PLCD3: variants seen among roughly 807,000 people sequenced by gnomAD.
PLCD3 encodes the protein 1-phosphatidylinositol 4,5-bisphosphate phosphodiesterase delta-3.
In PLCD3, 62 loss-of-function variants were observed where a neutral mutation model predicts 82.8. The observed-to-expected ratio is 0.75, with a 90% CI of 0.61 to 0.93. The LOEUF is 0.93. Ranked by LOEUF, PLCD3 falls within the 40% of genes least tolerant of loss-of-function variation. The pLI, the probability that PLCD3 is intolerant of heterozygous loss-of-function variation, is 0.00. For synonymous variants in PLCD3, 478 were observed against 471.8 expected, an observed-to-expected ratio of 1.01 and a Z score of -0.17; for missense variants, 1,023 against 1,103.4, an observed-to-expected ratio of 0.93 and a Z score of 1.03.
rs1476362730 is a variant in PLCD3 at position 45,112,449 on chromosome 17, C to G, written c.*167G>C. 1.4e-6 allele frequency: 1 copy of G among 719,726 alleles called. No homozygotes were observed. Among genetic ancestry groups the G allele is most frequent in the East Asian group, 2.7e-5 (1 of 36,844 alleles). 44.6% of individuals were successfully genotyped at this position (719,726 alleles called of 1,614,324 possible). A position where few individuals can be genotyped will look rare whatever the true frequency, so the allele number is the denominator to read the frequency against. On this transcript the variant is annotated 3_prime_UTR_variant, in exon 15 of 15. Coordinates refer to ENST00000619929, the MANE Select transcript of PLCD3 (RefSeq NM_133373.5). ...TTCTGTTCTTCAGGAGGGGCCCAGG[C>G]AGCCCTCAGCACCCAGGTGAGACCA...
intron 12 of PLCD3, 46 bp from the exon 13 acceptor site, chr17:45,113,303 C>T: frequency 6.4e-7 from 1 of 1,564,572 alleles, no homozygotes; most frequent in Non-Finnish European, 8.7e-7. Flanking sequence ...CCACCTTGGC[C>T]ATCCCCTCAT....
At chr17:45,113,737 C>CCCTAAAGTCATGGTGGGGGCAG in intron 11 of PLCD3, 132 bp from the exon 12 acceptor site, 1 of 1,153,810 alleles carries the variant, frequency 8.7e-7, no homozygotes, top group Non-Finnish European at 1.2e-6. Context: ...CTGCTCCCAC[C>CCCTAAAGTCATGGTGGGGGCAG]ATGACTTTAG....
chr17:45,129,773 G>A (rs911288097), intron 1 of PLCD3, among the ~76,000 whole-genome samples: 3 of 152,170 alleles, frequency 2.0e-5, no homozygotes, highest in African/African-American at 7.2e-5. Flanking sequence ...CAGGAGCGGG[G>A]GACTGGAGGG....
At chr17:45,117,108 C>T (rs1319038495) in intron 7 of PLCD3, among the ~76,000 whole-genome samples, 4 of 152,224 alleles carry the variant, frequency 2.6e-5, no homozygotes, top group Non-Finnish European at 4.4e-5. Flanking sequence ...CCACACCCGG[C>T]TAATTTTTGT....
chr17:45,113,036 G>C (rs1428319948), intron 13 of PLCD3, 24 bp from the exon 14 acceptor site: 27 of 1,601,428 alleles, frequency 1.7e-5, no homozygotes, highest in Non-Finnish European at 2.2e-5. Context: ...ATGGCAGTCA[G>C]AGCCCAGGGG....
intron 4 of PLCD3, among the ~76,000 whole-genome samples, chr17:45,119,817 T>G (rs1463863219): frequency 2.6e-5 from 4 of 151,888 alleles, no homozygotes; most frequent in African/African-American, 9.7e-5. Flanking sequence ...GGGTCACAGG[T>G]GGGTCCCACC....
Position 45,114,377 on chromosome 17 carries a change from G to C in PLCD3, c.1712-11C>G. 6.5e-7 allele frequency: 1 copy of C among 1,546,288 alleles called. No individual in the cohort carries two copies. The highest frequency in any genetic ancestry group is 8.7e-7 in the Non-Finnish European group (1 of 1,144,600). On this transcript the variant is annotated splice_polypyrimidine_tract_variant and intron_variant, in intron 10 of 14. Coordinates refer to ENST00000619929, the MANE Select transcript of PLCD3 (RefSeq NM_133373.5). ...TGACAAAGCTGTTCCCTGGGGCAGA[G>C]TTGGGGTGAGACCGTGACAGACTCC...
In PLCD3 at chr17:45,115,338, T is replaced by G. The variant is rs1382884397; in HGVS notation, c.1560+6A>C. ...CCTTCCCCACCCCACCCATCCCAGCTCTCACCAGCCGCCTCTGCGCTGCAG... is the reference window on the plus strand; with the variant it reads ...CCTTCCCCACCCCACCCATCCCAGCGCTCACCAGCCGCCTCTGCGCTGCAG... On this transcript the variant is annotated splice_donor_region_variant and intron_variant, in intron 9 of 14. Transcript: ENST00000619929. The G allele has an allele frequency of 2.4e-6, 2 of 849,016 alleles. No individual in the cohort carries two copies. Among genetic ancestry groups the G allele is most frequent in the East Asian group, 6.3e-5 (1 of 15,998 alleles). 52.6% of individuals were successfully genotyped at this position (849,016 alleles called of 1,614,324 possible).
At position 45,120,412 on chromosome 17, in the gene PLCD3, G is replaced by C. The variant is rs544175746; in HGVS notation, c.597C>G (p.Asp199Glu). 6.2e-7 allele frequency: 1 copy of C among 1,614,014 alleles called. No homozygotes were observed. The highest frequency in any genetic ancestry group is 1.7e-5 in the Admixed American group (1 of 60,028). ...TGATCTCCTTGAAGCTCATCTTGCT[G>C]TCCTGGTTGGAGTCAGCCCGGTGCA... ...SYLHRADSNQ[D>E]SKMSFKEIKS... Residue 199 changes from aspartate (D) to glutamate (E), a missense_variant, in exon 4 of 15, where the codon GAC becomes GAG. Transcript: ENST00000619929.
Position 45,121,510 on chromosome 17 carries a change from C to G in PLCD3, c.164-138G>C, listed in dbSNP as rs556555177. 176 of 1,064,658 alleles carry G rather than the reference C, an allele frequency of 1.7e-4. 1 individual carries two copies. The East Asian group carries it at 4.9e-3, about 30-fold the overall frequency. The allele number at this position is 1,064,658 out of a possible 1,614,324, so 66.0% of individuals were successfully genotyped here. A position where few individuals can be genotyped will look rare whatever the true frequency, so the allele number is the denominator to read the frequency against. On this transcript the variant is annotated intron_variant, in intron 1 of 14. Coordinates refer to ENST00000619929, the MANE Select transcript of PLCD3 (RefSeq NM_133373.5). ...CATCCCACAGTAAGCTTCCCTCCCCCTCACAGGACTCCCCTCCTCCCCGAT... is the reference window on the plus strand; with the variant it reads ...CATCCCACAGTAAGCTTCCCTCCCCGTCACAGGACTCCCCTCCTCCCCGAT...
intron 1 of PLCD3, among the ~76,000 whole-genome samples, chr17:45,127,719 G>C (rs2054391444): frequency 6.6e-6 from 1 of 152,130 alleles, no homozygotes; most frequent in African/African-American, 2.4e-5. Context: ...GGCAGGGCAG[G>C]GTGTGTGTGG....
Position 45,113,267 on chromosome 17 carries a change from A to C in PLCD3, c.1996-10T>G. 6.2e-7 allele frequency: 1 copy of C among 1,601,094 alleles called. No individual in the cohort carries two copies. Among genetic ancestry groups the C allele is most frequent in the Non-Finnish European group, 8.5e-7 (1 of 1,174,322 alleles). On this transcript the variant is annotated splice_polypyrimidine_tract_variant and intron_variant, in intron 12 of 14. Coordinates refer to ENST00000619929, the MANE Select transcript of PLCD3 (RefSeq NM_133373.5). ...GCTGTGCAGTCAGCACCTGTGGGTG[A>C]GGGAGGGAGTGGCTGGGGCCCACGC...
intron 7 of PLCD3, among the ~76,000 whole-genome samples, chr17:45,117,034 C>G (rs1027380268): frequency 6.6e-6 from 1 of 152,140 alleles, no homozygotes; most frequent in Non-Finnish European, 1.5e-5. Context: ...AATTCCATCT[C>G]CCGGGTTCAA....
rs1315682999 is a variant in PLCD3, at chr17:45,118,036, GAGA to G, written c.1215_1217del (p.Leu406del). On this transcript the variant is annotated inframe_deletion, in exon 7 of 15. Coordinates refer to ENST00000619929, the MANE Select transcript of PLCD3 (RefSeq NM_133373.5). This position sits in a 1 kb window ranked among gnomAD's most constrained non-coding sequence, Gnocchi z 4.1. Reference sequence around the variant, plus strand: ...GCACGGCTTGGACCACGTCCCGGAAGAGAATCTTGGAGGTGAGGGTATGGCCAT... The same window carrying G: ...GCACGGCTTGGACCACGTCCCGGAAGATCTTGGAGGTGAGGGTATGGCCAT... 4 of 1,613,782 alleles carry G rather than the reference GAGA, an allele frequency of 2.5e-6. No individual in the cohort carries two copies.
chr17:45,123,395 T>C (rs1217757511), intron 1 of PLCD3, among the ~76,000 whole-genome samples: 1 of 152,214 alleles, frequency 6.6e-6, no homozygotes. Flanking sequence ...TTAATAAATC[T>C]GAGGGCGGAA....
intron 8 of PLCD3, 118 bp from the exon 9 acceptor site, chr17:45,115,608 G>A (rs764325730): frequency 5.4e-5 from 48 of 890,114 alleles, no homozygotes; most frequent in Non-Finnish European, 7.9e-5. Context: ...AGGCAGGAAA[G>A]GAGACACAGA....
intron 1 of PLCD3, among the ~76,000 whole-genome samples, chr17:45,126,347 A>ATT (rs398030937): frequency 0.22 from 17,647 of 78,734 alleles, 3,246 homozygotes; most frequent in South Asian, 0.25. Context: ...CGCCCAGCCT[A>ATT]TTTTTTTTTT....
intron 4 of PLCD3, 139 bp from the exon 5 acceptor site, chr17:45,119,182 T>G: frequency 1.5e-6 from 1 of 657,570 alleles, no homozygotes; most frequent in Non-Finnish European, 2.6e-6. Context: ...GACTTGTGAC[T>G]CTAGCTCACA....
chr17:45,116,916 T>C (rs772523811), intron 7 of PLCD3, 132 bp from the exon 8 acceptor site: 219 of 1,173,502 alleles, frequency 1.9e-4, no homozygotes, highest in Middle Eastern at 4.2e-4. Flanking sequence ...AGCAGCAGAC[T>C]GTCCAGGAGG....
Sources: gnomAD v4.1 joint callset for allele counts (sites outside exome capture counted in the v4.1 genomes callset) on GRCh38, gnomAD v4.1.1 for gene constraint, Gnocchi (gnomAD v3.1) non-coding constraint, MANE v1.5 for transcripts, NCBI Gene and HGNC (gene_info 2026-07-23, HGNC 2026-07-21) for gene names.